Variants in DRC9 observed in about 807,000 individuals in gnomAD.
DRC9 encodes dynein regulatory complex protein 9.
At chr3:197,921,930 TG>T in the DRC9 span, among the ~76,000 whole-genome samples, 3 of 142,192 alleles carry the variant, frequency 2.1e-5, no homozygotes, top group Non-Finnish European at 4.5e-5. Context: ...TCAGTAACTC[TG>T]GGGATTTCAC....
the DRC9 span, among the ~76,000 whole-genome samples, chr3:197,921,157 C>T: frequency 7.7e-6 from 1 of 129,116 alleles, no homozygotes; most frequent in South Asian, 2.5e-4. Flanking sequence ...GGGGATGTAA[C>T]CTGATTTCAT....
At chr3:197,925,078 T>C in the DRC9 span, among the ~76,000 whole-genome samples, 3 of 152,156 alleles carry the variant, frequency 2.0e-5, no homozygotes, top group Non-Finnish European at 4.4e-5. Flanking sequence ...AGGTTCATAA[T>C]GTGCTGAATG....
At chr3:197,955,026 AAATTTTTCTCAATTTTCTCCTGT>A in the DRC9 span, among the ~76,000 whole-genome samples, 1 of 152,146 alleles carries the variant, frequency 6.6e-6, no homozygotes, top group Non-Finnish European at 1.5e-5. Context: ...CTTGGACTCT[AAATTTTTCTCAATTTTCTCCTGT>A]AATTTTTCTC....
chr3:197,933,041 CAT>C, the DRC9 span, among the ~76,000 whole-genome samples: 8 of 132,670 alleles, frequency 6.0e-5, no homozygotes, highest in Non-Finnish European at 9.3e-5. Flanking sequence ...ATATATTATA[CAT>C]ATATATAAAA....
At chr3:197,900,934 C>G in the DRC9 span, among the ~76,000 whole-genome samples, 1 of 152,192 alleles carries the variant, frequency 6.6e-6, no homozygotes, top group East Asian at 1.9e-4. This position sits in a 1 kb window ranked among gnomAD's most constrained non-coding sequence, Gnocchi z 4.7. Flanking sequence ...GAATAACCAG[C>G]AGGGGTCCAC....
the DRC9 span, among the ~76,000 whole-genome samples, chr3:197,933,272 C>G: frequency 6.6e-6 from 1 of 151,394 alleles, no homozygotes; most frequent in Non-Finnish European, 1.5e-5. Flanking sequence ...GAAACCTCGT[C>G]TCTACTAAAA....
the DRC9 span, among the ~76,000 whole-genome samples, chr3:197,918,258 C>CTTTTTTTTTTTTTT: frequency 3.3e-5 from 2 of 60,292 alleles, no homozygotes; most frequent in African/African-American, 1.3e-4. Context: ...TAATTTTTTG[C>CTTTTTTTTTTTTTT]TTTTTTTTTT....
chr3:197,913,981 T>C, the DRC9 span: 1 of 1,614,152 alleles, frequency 6.2e-7, no homozygotes, highest in Non-Finnish European at 8.5e-7. Context: ...ATTCTCCAAG[T>C]TGGATTTTGC....
chr3:197,914,506 C>T, the DRC9 span, among the ~76,000 whole-genome samples: 1 of 152,308 alleles, frequency 6.6e-6, no homozygotes, highest in East Asian at 1.9e-4. Flanking sequence ...CTTGAGAACA[C>T]GTGTGAAAAC....
the DRC9 span, among the ~76,000 whole-genome samples, chr3:197,905,823 T>C: frequency 2.0e-5 from 3 of 152,166 alleles, no homozygotes; most frequent in African/African-American, 4.8e-5. Context: ...AGCAAGTCTA[T>C]TAATGTATTT....
the DRC9 span, among the ~76,000 whole-genome samples, chr3:197,932,007 C>A: frequency 6.6e-6 from 1 of 152,160 alleles, no homozygotes; most frequent in African/African-American, 2.4e-5. Flanking sequence ...TCCTAGAAAT[C>A]TGACTTATTG....
chr3:197,901,724 A>C, the DRC9 span, among the ~76,000 whole-genome samples: 1 of 152,234 alleles, frequency 6.6e-6, no homozygotes, highest in Non-Finnish European at 1.5e-5. This position sits in a 1 kb window ranked among gnomAD's most constrained non-coding sequence, Gnocchi z 4.4. Context: ...TTAGAGCATA[A>C]GGTAGACTTC....
chr3:197,954,008 C>T, the DRC9 span: 3 of 1,612,806 alleles, frequency 1.9e-6, no homozygotes, highest in Non-Finnish European at 2.5e-6. Context: ...ATCAGCAACA[C>T]AGTCACTCCT....
At chr3:197,892,793 G>A in the DRC9 span, 1 of 1,612,896 alleles carries the variant, frequency 6.2e-7, no homozygotes, top group Non-Finnish European at 8.5e-7. Context: ...ATGGCATTCA[G>A]CAGACACAAA....
At chr3:197,889,762 G>A in the DRC9 span, 2 of 1,607,382 alleles carry the variant, frequency 1.2e-6, no homozygotes, top group East Asian at 4.5e-5. Context: ...TGCCTGACAA[G>A]CTGCATTCTT....
chr3:197,938,850 G>T, the DRC9 span: 1 of 1,113,628 alleles, frequency 9.0e-7, no homozygotes, highest in Non-Finnish European at 1.3e-6. Context: ...AGGCCTTTGT[G>T]TACATTTTTC....
At chr3:197,931,279 T>C in the DRC9 span, among the ~76,000 whole-genome samples, 37,693 of 151,044 alleles carry the variant, frequency 0.25, 5,855 homozygotes, top group African/African-American at 0.45. Flanking sequence ...GTCAGGAGAT[T>C]GAGACCAGCC....
At chr3:197,913,359 T>C in the DRC9 span, 1 of 256,666 alleles carries the variant, frequency 3.9e-6, no homozygotes, top group African/African-American at 2.2e-5. Flanking sequence ...TGTGCGTGCG[T>C]GCGTGTGTGC....
the DRC9 span, chr3:197,913,960 T>G: frequency 6.2e-7 from 1 of 1,614,154 alleles, no homozygotes; most frequent in Non-Finnish European, 8.5e-7. Context: ...GGTATTGGTT[T>G]TCATGTAGCG....
Sources: allele counts gnomAD v4.1 joint callset (sites outside exome capture counted in the v4.1 genomes callset), GRCh38; gene constraint gnomAD v4.1.1; non-coding constraint Gnocchi (gnomAD v3.1); transcripts MANE v1.5; gene names NCBI Gene and HGNC (gene_info 2026-07-23, HGNC 2026-07-21).